The following BMPR1B variants were observed in gnomAD, a reference collection of about 807,000 sequenced individuals.
BMPR1B encodes the protein bone morphogenetic protein receptor type-1B.
In BMPR1B, 12 loss-of-function variants were observed where a neutral mutation model predicts 59.1. That is an observed-to-expected ratio of 0.20 (90% confidence interval 0.13 to 0.33). The LOEUF is 0.33. Among genes scored for constraint, BMPR1B ranks in the 10% least tolerant of loss-of-function variants. BMPR1B has a pLI of 1.00. For missense variants in BMPR1B, 550 were observed against 610.9 expected, an observed-to-expected ratio of 0.90 and a Z score of 1.05; for synonymous variants, 237 against 207.3, an observed-to-expected ratio of 1.14 and a Z score of -1.23.
chr4:95,038,964 G>A (rs1216029466), intron 3 of BMPR1B, among the ~76,000 whole-genome samples: 1 of 152,154 alleles, frequency 6.6e-6, no homozygotes, highest in East Asian at 1.9e-4. Context: ...CTCACTGCTT[G>A]ACTAAATTTT....
At chr4:94,875,025 G>A (rs1425889315) in intron 1 of BMPR1B, among the ~76,000 whole-genome samples, 4 of 152,064 alleles carry the variant, frequency 2.6e-5, no homozygotes, top group African/African-American at 7.2e-5. Context: ...TCTGTGGCCA[G>A]CATTTAAGTA....
chr4:94,905,164 G>A (rs1267888245), intron 2 of BMPR1B, among the ~76,000 whole-genome samples: 1 of 151,970 alleles, frequency 6.6e-6, no homozygotes, highest in Non-Finnish European at 1.5e-5. Context: ...GGTTAGAAAG[G>A]CATGATGAAT....
At chr4:94,930,943 G>A (rs1356606756) in intron 2 of BMPR1B, among the ~76,000 whole-genome samples, 1 of 151,810 alleles carries the variant, frequency 6.6e-6, no homozygotes, top group African/African-American at 2.4e-5. Context: ...TGTTTTGTCA[G>A]TTTTATGAGG....
chr4:95,154,711 C>A lies in BMPR1B; in HGVS notation c.*38C>A, dbSNP rs371155612. Reference sequence around the variant, plus strand: ...AGTAAGCATCTCTGCAGAAAGCCAACAGGTACTCTTCTGTTTGTGGGCAGA... The same window carrying A: ...AGTAAGCATCTCTGCAGAAAGCCAAAAGGTACTCTTCTGTTTGTGGGCAGA... On this transcript the variant is annotated 3_prime_UTR_variant, in exon 13 of 13. Coordinates refer to ENST00000515059, the MANE Select transcript of BMPR1B (RefSeq NM_001203.3). 6 of 1,612,038 alleles carry A rather than the reference C, an allele frequency of 3.7e-6. No individual in the cohort carries two copies. The African/African-American group carries it at 5.3e-5, about 14-fold the overall frequency.
intron 1 of BMPR1B, among the ~76,000 whole-genome samples, chr4:94,817,224 G>A (rs1408725784): frequency 1.3e-5 from 2 of 152,136 alleles, no homozygotes; most frequent in Admixed American, 6.5e-5. Context: ...AGATTATCCA[G>A]TCTCAGGTAT....
intron 1 of BMPR1B, among the ~76,000 whole-genome samples, chr4:94,765,971 T>C (rs1721953662): frequency 6.6e-6 from 1 of 152,164 alleles, no homozygotes; most frequent in Non-Finnish European, 1.5e-5. Context: ...TGTTTTTGTT[T>C]CATCATCTGT....
At chr4:94,840,678 A>G (rs1725022045) in intron 1 of BMPR1B, among the ~76,000 whole-genome samples, 1 of 146,374 alleles carries the variant, frequency 6.8e-6, no homozygotes, top group African/African-American at 2.5e-5. Flanking sequence ...ATTTTTTTCA[A>G]AGTTTTCAAC....
At chr4:94,831,960 A>T (rs74823557) in intron 1 of BMPR1B, among the ~76,000 whole-genome samples, 1 of 152,180 alleles carries the variant, frequency 6.6e-6, no homozygotes, top group Non-Finnish European at 1.5e-5. Flanking sequence ...CATCACTCCC[A>T]GGTGGGATTG....
intron 1 of BMPR1B, among the ~76,000 whole-genome samples, chr4:94,847,309 T>G (rs1375655140): frequency 6.6e-6 from 1 of 152,148 alleles, no homozygotes; most frequent in African/African-American, 2.4e-5. Flanking sequence ...GATGTAGAGA[T>G]ATGGGAATCC....
intron 2 of BMPR1B, among the ~76,000 whole-genome samples, chr4:94,944,684 G>A (rs1377119282): frequency 1.3e-5 from 2 of 152,182 alleles, no homozygotes; most frequent in Non-Finnish European, 2.9e-5. Context: ...AGTGGTAAGT[G>A]AAGCTTACTG....
chr4:95,097,494 G>A (rs752041744), intron 3 of BMPR1B, among the ~76,000 whole-genome samples: 1 of 151,898 alleles, frequency 6.6e-6, no homozygotes, highest in Admixed American at 6.6e-5. Context: ...GTTGACATTT[G>A]CTTTACAATT....
chr4:94,921,865 G>A (rs1446713322), intron 2 of BMPR1B, among the ~76,000 whole-genome samples: 1 of 151,554 alleles, frequency 6.6e-6, no homozygotes, highest in Non-Finnish European at 1.5e-5. Context: ...TCCTTTTTTT[G>A]TAATCTAAAT....
At chr4:94,760,326 T>G (rs577641410) in intron 1 of BMPR1B, among the ~76,000 whole-genome samples, 6 of 152,334 alleles carry the variant, frequency 3.9e-5, no homozygotes, top group African/African-American at 1.4e-4. Flanking sequence ...TCTCTAAATG[T>G]TCCAGTCGTT....
chr4:94,876,628 A>G (rs1726742016), intron 2 of BMPR1B, among the ~76,000 whole-genome samples: 1 of 152,240 alleles, frequency 6.6e-6, no homozygotes, highest in South Asian at 2.1e-4. Flanking sequence ...TTATGTAGAT[A>G]GTTAAGTGGT....
At chr4:95,096,960 CTT>C (rs1167031403) in intron 3 of BMPR1B, among the ~76,000 whole-genome samples, 12 of 139,636 alleles carry the variant, frequency 8.6e-5, no homozygotes, top group African/African-American at 2.1e-4. Flanking sequence ...AGTTATATAA[CTT>C]TATTATATAT....
chr4:94,825,619 G>A (rs1724356291), intron 1 of BMPR1B, among the ~76,000 whole-genome samples: 1 of 152,066 alleles, frequency 6.6e-6, no homozygotes, highest in Non-Finnish European at 1.5e-5. Context: ...GCAAGAATTG[G>A]GACCCTTTGA....
intron 1 of BMPR1B, among the ~76,000 whole-genome samples, chr4:94,827,638 C>T (rs1281046362): frequency 6.6e-6 from 1 of 152,108 alleles, no homozygotes; most frequent in Non-Finnish European, 1.5e-5. Flanking sequence ...TCTTTTTCTT[C>T]TCCTAATGAT....
Position 94,853,948 on chromosome 4 carries a change from C to CGG in BMPR1B, c.-182-21883_-182-21882insGG, listed in dbSNP as rs1725660630. Reference sequence around the variant, plus strand: ...GTTGATCAGAAATTTCTCAGTCATTCCAGTGATTTTACAGCCTTTTTCTTC... The same window carrying CGG: ...GTTGATCAGAAATTTCTCAGTCATTCGGCAGTGATTTTACAGCCTTTTTCTTC... On this transcript the variant is annotated intron_variant, in intron 1 of 12. Coordinates refer to ENST00000515059, the MANE Select transcript of BMPR1B (RefSeq NM_001203.3). 2.6e-5 allele frequency among the ~76,000 whole-genome samples: 4 copies of CGG among 152,268 alleles called. No homozygotes were observed. The South Asian group carries it at 8.3e-4, about 32-fold the overall frequency.
At chr4:95,034,090 T>C (rs1412175963) in intron 3 of BMPR1B, among the ~76,000 whole-genome samples, 1 of 152,142 alleles carries the variant, frequency 6.6e-6, no homozygotes, top group Non-Finnish European at 1.5e-5. Flanking sequence ...TGCTAGCTCA[T>C]AGACTCTCTG....
Sources: gnomAD v4.1 joint callset for allele counts (sites outside exome capture counted in the v4.1 genomes callset) on GRCh38, gnomAD v4.1.1 for gene constraint, MANE v1.5 for transcripts, NCBI Gene and HGNC (gene_info 2026-07-23, HGNC 2026-07-21) for gene names.